The following CNBD1 variants were observed in gnomAD, a reference collection of about 807,000 sequenced individuals.
CNBD1 encodes the protein cyclic nucleotide-binding domain-containing protein 1.
CNBD1 carries 71 observed loss-of-function variants against 54.4 expected under a neutral mutation model. The ratio of observed to expected loss-of-function variants is 1.30; its 90% CI spans 1.08 to 1.59. The LOEUF (loss-of-function observed/expected upper bound fraction) is 1.59. Ranked by LOEUF, CNBD1 falls within the 40% of genes most tolerant of loss-of-function variation. The pLI is 0.00. For synonymous variants in CNBD1, 182 were observed against 170.7 expected, an observed-to-expected ratio of 1.07 and a Z score of -0.51; for missense variants, 659 against 518.0, an observed-to-expected ratio of 1.27 and a Z score of -2.64.
In CNBD1 at chr8:87,237,376, G is replaced by A. The variant is rs1456586696; in HGVS notation, c.771+264G>A. 8 of 272,586 alleles carry A rather than the reference G, an allele frequency of 2.9e-5. No homozygotes were observed. In the East Asian group the frequency reaches 4.4e-4, roughly 15 times the overall value. 16.9% of individuals were successfully genotyped at this position (272,586 alleles called of 1,614,324 possible). ...ACAAGGTTGATGTGGCTGGATCCCT[G>A]AAAGAAGGATAATAGTAGTTTCAGA... On this transcript the variant is annotated intron_variant, in intron 6 of 10. Coordinates refer to ENST00000518476, the MANE Select transcript of CNBD1 (RefSeq NM_173538.3).
intron 8 of CNBD1, among the ~76,000 whole-genome samples, chr8:87,287,411 C>G (rs1177291955): frequency 6.6e-6 from 1 of 152,072 alleles, no homozygotes; most frequent in Non-Finnish European, 1.5e-5. Flanking sequence ...GGATGGCGAC[C>G]TCGACTCTCT....
intron 6 of CNBD1, among the ~76,000 whole-genome samples, chr8:87,256,025 T>A (rs1413993169): frequency 2.6e-3 from 190 of 73,030 alleles, no homozygotes; most frequent in Non-Finnish European, 3.9e-3. Flanking sequence ...ATTTTTTTTT[T>A]TTTTTTTTTT....
intron 2 of CNBD1, among the ~76,000 whole-genome samples, chr8:87,411,348 T>C (rs2130985086): frequency 6.9e-6 from 1 of 145,368 alleles, no homozygotes; most frequent in South Asian, 2.2e-4. Flanking sequence ...TTTTTTGCTT[T>C]CTATAGCTTT....
intron 8 of CNBD1, among the ~76,000 whole-genome samples, chr8:87,300,139 T>C (rs1055061225): frequency 6.6e-6 from 1 of 152,186 alleles, no homozygotes; most frequent in African/African-American, 2.4e-5. Context: ...GTTTAAAAAA[T>C]ATAAATATGA....
chr8:87,277,536 A>G (rs1011138269), intron 6 of CNBD1, among the ~76,000 whole-genome samples: 6 of 151,738 alleles, frequency 4.0e-5, no homozygotes, highest in Non-Finnish European at 8.8e-5. Flanking sequence ...TGTAGCTACA[A>G]ATTTAAGAAG....
intron 4 of CNBD1, among the ~76,000 whole-genome samples, chr8:86,994,702 C>T (rs1808830557): frequency 6.6e-6 from 1 of 151,974 alleles, no homozygotes; most frequent in African/African-American, 2.4e-5. Flanking sequence ...CCAGCAGGGT[C>T]CCCAGCTTCC....
At chr8:86,935,022 T>C (rs1290097517) in intron 3 of CNBD1, among the ~76,000 whole-genome samples, 1 of 39,802 alleles carries the variant, frequency 2.5e-5, no homozygotes, top group South Asian at 1.7e-3. Flanking sequence ...TGTTTGTTTA[T>C]TTATTTATTT....
chr8:87,222,233 T>C (rs1312050537), intron 5 of CNBD1, among the ~76,000 whole-genome samples: 2 of 152,142 alleles, frequency 1.3e-5, no homozygotes, highest in Non-Finnish European at 2.9e-5. Flanking sequence ...AAAGAGTTGA[T>C]CTTCAAATAT....
At position 87,335,463 on chromosome 8, in the gene CNBD1, CT is replaced by C. The variant is rs1809924866; in HGVS notation, c.1043-16216del. Among the ~76,000 whole-genome samples, 5 of 152,016 alleles carry C rather than the reference CT, an allele frequency of 3.3e-5. No homozygotes were observed. In the South Asian group the frequency reaches 1.0e-3, roughly 32 times the overall value. On this transcript the variant is annotated intron_variant, in intron 8 of 10. Transcript: ENST00000518476. ...GATCCCTTTATCATTATGTAATGCC[CT>C]TTTTTGTATTTTTTGATCTTTGTTG...
chr8:87,150,634 C>G (rs1586291570), intron 4 of CNBD1, among the ~76,000 whole-genome samples: 1 of 152,122 alleles, frequency 6.6e-6, no homozygotes, highest in Admixed American at 6.6e-5. Context: ...GAACTCAACT[C>G]CTTTGAAACA....
chr8:87,025,595 C>T (rs1809625141), intron 4 of CNBD1, among the ~76,000 whole-genome samples: 1 of 150,710 alleles, frequency 6.6e-6, no homozygotes, highest in Non-Finnish European at 1.5e-5. Flanking sequence ...CTGGATATGC[C>T]ACCTGTAAGA....
intron 4 of CNBD1, among the ~76,000 whole-genome samples, chr8:87,068,469 C>T (rs906717812): frequency 1.3e-5 from 2 of 151,928 alleles, no homozygotes; most frequent in Non-Finnish European, 2.9e-5. Context: ...AATACCAAGG[C>T]TCCAGGTGAT....
At chr8:87,411,029 A>G (rs557740267) in intron 2 of CNBD1, among the ~76,000 whole-genome samples, 1 of 152,164 alleles carries the variant, frequency 6.6e-6, no homozygotes, top group East Asian at 2.0e-4. Flanking sequence ...TTGTTTAAAC[A>G]TAACTTTTAT....
intron 4 of CNBD1, among the ~76,000 whole-genome samples, chr8:87,149,971 C>T (rs1423153197): frequency 2.0e-5 from 3 of 151,938 alleles, no homozygotes; most frequent in East Asian, 3.9e-4. Context: ...GTCAGGAGAT[C>T]GAGACCATCC....
chr8:87,422,191 G>A (rs1322474626), intron 2 of CNBD1, among the ~76,000 whole-genome samples: 1 of 146,252 alleles, frequency 6.8e-6, no homozygotes. Context: ...TGTCAGATGA[G>A]TAGGTTGCAA....
chr8:86,896,632 T>C (rs1186066524), intron 2 of CNBD1, among the ~76,000 whole-genome samples: 1 of 152,188 alleles, frequency 6.6e-6, no homozygotes, highest in Non-Finnish European at 1.5e-5. Context: ...AATCTACTAA[T>C]TTTTTATTGA....
chr8:87,008,122 C>G (rs1359353943), intron 4 of CNBD1, among the ~76,000 whole-genome samples: 1 of 152,112 alleles, frequency 6.6e-6, no homozygotes, highest in Non-Finnish European at 1.5e-5. Flanking sequence ...ATTTCTCTTA[C>G]CAAATACTGG....
At chr8:87,045,737 A>AAAC in intron 4 of CNBD1, among the ~76,000 whole-genome samples, 1 of 149,820 alleles carries the variant, frequency 6.7e-6, no homozygotes, top group African/African-American at 2.5e-5. Context: ...AAAAAAAAAA[A>AAAC]AAAAAAACAG....
chr8:87,121,688 C>T (rs1201047580), intron 4 of CNBD1, among the ~76,000 whole-genome samples: 3 of 151,748 alleles, frequency 2.0e-5, no homozygotes, highest in African/African-American at 4.8e-5. Flanking sequence ...CCAATCAGCT[C>T]TTGGTAACTA....
Sources: allele counts gnomAD v4.1 joint callset (sites outside exome capture counted in the v4.1 genomes callset), GRCh38; gene constraint gnomAD v4.1.1; transcripts MANE v1.5; gene names NCBI Gene and HGNC (gene_info 2026-07-23, HGNC 2026-07-21).